Variants in PYM1 observed in about 807,000 individuals in gnomAD.
PYM1 encodes PYM1 exon junction complex associated factor, also known as partner of Y14 and mago.
In PYM1, 7 loss-of-function variants were observed where a neutral mutation model predicts 20.7. The observed-to-expected ratio is 0.34, with a 90% CI of 0.19 to 0.64. The LOEUF (loss-of-function observed/expected upper bound fraction) is 0.64, where lower values mean the gene tolerates loss of function less well. Among genes scored for constraint, PYM1 ranks in the 30% least tolerant of loss-of-function variants. The pLI is 0.74. For synonymous variants in PYM1, 100 were observed against 99.2 expected (o/e 1.01, Z -0.05); for missense variants, 194 against 250.0 (o/e 0.78, Z 1.51).
chr12:55,927,089 A>G (rs1428867988), intron 1 of PYM1: 26 of 1,535,438 alleles, frequency 1.7e-5, no homozygotes, highest in Non-Finnish European at 1.9e-5. Context: ...CGGTCTCGTC[A>G]GTAACATAGG....
At chr12:55,907,593 C>G (rs1406586703) in intron 1 of PYM1, among the ~76,000 whole-genome samples, 1 of 147,956 alleles carries the variant, frequency 6.8e-6, no homozygotes, top group African/African-American at 2.5e-5. Flanking sequence ...GAGATTGAGC[C>G]ACTGCACTCC....
chr12:55,927,203 T>G (rs1183163434), intron 1 of PYM1: 1 of 1,530,148 alleles, frequency 6.5e-7, no homozygotes, highest in South Asian at 1.2e-5. Flanking sequence ...AGCCACCATC[T>G]TAGTCTTAAA....
chr12:55,908,612 G>A (rs904577989), intron 1 of PYM1, among the ~76,000 whole-genome samples: 2 of 152,014 alleles, frequency 1.3e-5, no homozygotes, highest in African/African-American at 2.4e-5. Context: ...ACCACTTTGC[G>A]AGGCCGAGGC....
In PYM1 at chr12:55,905,886, ATAT is replaced by A. The variant is rs1294918466; in HGVS notation, c.38-2409_38-2407del. On this transcript the variant is annotated intron_variant, in intron 1 of 2. Coordinates refer to ENST00000408946, the MANE Select transcript of PYM1 (RefSeq NM_032345.3). The stretch of plus-strand genomic sequence containing the variant: ...ATATATATATATCTATTAGATATAT[ATAT>A]TATTATATATATCTAATAGATATAT... Among the ~76,000 whole-genome samples, 446 of 72,254 alleles carry A rather than the reference ATAT, an allele frequency of 6.2e-3. 44 individuals carry two copies. Among genetic ancestry groups the A allele is most frequent in the Admixed American group, 0.059 (380 of 6,456 alleles). The allele number at this position is 72,254 out of a possible 152,430, so 47.4% of individuals were successfully genotyped here.
chr12:55,910,499 G>A (rs1882903893), intron 1 of PYM1, among the ~76,000 whole-genome samples: 1 of 152,062 alleles, frequency 6.6e-6, no homozygotes. Context: ...CTGGAGTGTA[G>A]TGGCATGATC....
At chr12:55,917,192 G>C (rs1883022379) in intron 1 of PYM1, among the ~76,000 whole-genome samples, 1 of 152,038 alleles carries the variant, frequency 6.6e-6, no homozygotes, top group East Asian at 1.9e-4. Flanking sequence ...GACCAAGACG[G>C]GTGGATCACC....
In PYM1 at chr12:55,921,713, TAA is replaced by T. The variant is rs542066427; in HGVS notation, c.37+6010_37+6011del. Among the ~76,000 whole-genome samples, 836 of 152,062 alleles carry T rather than the reference TAA, an allele frequency of 5.5e-3. 5 individuals are homozygous for T. The highest frequency in any genetic ancestry group is 8.3e-3 in the Non-Finnish European group (562 of 67,960). On this transcript the variant is annotated intron_variant, in intron 1 of 2. Coordinates refer to ENST00000408946, the MANE Select transcript of PYM1 (RefSeq NM_032345.3). ...AAGGGAGATGGGCCAAGTAAAAAAC[TAA>T]AAGAGTTCCCAATGTTCAAAACTGG...
At chr12:55,922,145 C>A (rs1053385269) in intron 1 of PYM1, among the ~76,000 whole-genome samples, 1 of 152,068 alleles carries the variant, frequency 6.6e-6, no homozygotes, top group African/African-American at 2.4e-5. Context: ...GGATTACAGG[C>A]ATATGCCACC....
At chr12:55,904,682 G>C (rs144471653) in intron 1 of PYM1, among the ~76,000 whole-genome samples, 1 of 150,258 alleles carries the variant, frequency 6.7e-6, no homozygotes, top group African/African-American at 2.4e-5. Context: ...TTCGAGACCA[G>C]CCTGGCCAAC....
At chr12:55,927,572 C>T in intron 1 of PYM1, 153 bp downstream of exon 1, 1 of 1,001,490 alleles carries the variant, frequency 1.0e-6, no homozygotes, top group East Asian at 2.6e-5. Context: ...CACTGGGGCG[C>T]ACAAGTGTTT....
intron 1 of PYM1, among the ~76,000 whole-genome samples, chr12:55,922,040 G>A (rs772704): frequency 0.84 from 127,439 of 151,534 alleles, 53,855 homozygotes; most frequent in African/African-American, 0.93. Context: ...TACCCAGCTC[G>A]TTTTTTTTTT....
chr12:55,925,373 G>C (rs576837230), intron 1 of PYM1, among the ~76,000 whole-genome samples: 4 of 152,138 alleles, frequency 2.6e-5, no homozygotes, highest in African/African-American at 9.7e-5. Flanking sequence ...TAAAGTGATG[G>C]GGAGCAGCTG....
At chr12:55,920,690 A>G (rs755459668) in intron 1 of PYM1, among the ~76,000 whole-genome samples, 10 of 152,138 alleles carry the variant, frequency 6.6e-5, no homozygotes, top group Middle Eastern at 3.2e-3. Flanking sequence ...ATGCCGAAAA[A>G]GATGCATGCA....
intron 1 of PYM1, among the ~76,000 whole-genome samples, chr12:55,916,704 A>G (rs1340064337): frequency 6.6e-6 from 1 of 152,144 alleles, no homozygotes; most frequent in Admixed American, 6.6e-5. Flanking sequence ...AGGCTGAGGC[A>G]GAAGAATCAC....
intron 1 of PYM1, among the ~76,000 whole-genome samples, chr12:55,923,582 AACTAATG>A (rs1051762480): frequency 7.2e-5 from 11 of 151,850 alleles, no homozygotes; most frequent in African/African-American, 2.4e-4. Context: ...AAAAAAACAA[AACTAATG>A]AAATGATGTA....
Position 55,901,668 on chromosome 12 carries a change from G to T in PYM1, c.*204C>A. 1.5e-6 allele frequency: 1 copy of T among 674,188 alleles called. No individual in the cohort carries two copies. Among genetic ancestry groups the T allele is most frequent in the Non-Finnish European group, 2.4e-6 (1 of 422,614 alleles). The allele number at this position is 674,188 out of a possible 1,614,324, so 41.8% of individuals were successfully genotyped here. A position where few individuals can be genotyped will look rare whatever the true frequency, so the allele number is the denominator to read the frequency against. On this transcript the variant is annotated 3_prime_UTR_variant, in exon 3 of 3. Coordinates refer to ENST00000408946, the MANE Select transcript of PYM1 (RefSeq NM_032345.3). ...AGATTTTGAACACTGGGAATGGGAG[G>T]GGGAAAGTCCAAAAAGTAGAAGTTG...
intron 1 of PYM1, among the ~76,000 whole-genome samples, chr12:55,919,793 G>A (rs978578035): frequency 6.6e-6 from 1 of 152,010 alleles, no homozygotes; most frequent in Non-Finnish European, 1.5e-5. Flanking sequence ...TCATCTATTT[G>A]GGAGGCTGAG....
chr12:55,926,303 T>C (rs1315815030), intron 1 of PYM1, among the ~76,000 whole-genome samples: 2 of 152,202 alleles, frequency 1.3e-5, no homozygotes, highest in African/African-American at 2.4e-5. Flanking sequence ...TTCCAACACA[T>C]ACACCTTACA....
At position 55,917,962 on chromosome 12, in the gene PYM1, AAAAC is replaced by A. The variant is rs567724854; in HGVS notation, c.37+9759_37+9762del. On this transcript the variant is annotated intron_variant, in intron 1 of 2. Coordinates refer to ENST00000408946, the MANE Select transcript of PYM1 (RefSeq NM_032345.3). ...GCAACAAAGCAAGACTCCATCACAA[AAAAC>A]AAACAAACAAACAAAAAAAAAACTT... Among the ~76,000 whole-genome samples the A allele has an allele frequency of 7.1e-4, 108 of 152,252 alleles. 1 individual carries two copies. The Middle Eastern group carries it at 0.01, about 14-fold the overall frequency.
Sources: gnomAD v4.1 joint callset for allele counts (sites outside exome capture counted in the v4.1 genomes callset) on GRCh38, gnomAD v4.1.1 for gene constraint, MANE v1.5 for transcripts, NCBI Gene and HGNC (gene_info 2026-07-23, HGNC 2026-07-21) for gene names.